Variants in TRIO observed in about 807,000 individuals in gnomAD.
TRIO encodes trio Rho guanine nucleotide exchange factor.
Under a neutral mutation model 351.9 loss-of-function variants are expected in TRIO, and 58 were observed. The observed-to-expected ratio is 0.16, with a 90% CI of 0.13 to 0.21. The LOEUF (loss-of-function observed/expected upper bound fraction) is 0.21, where lower values mean the gene tolerates loss of function less well. Among genes scored for constraint, TRIO ranks in the 10% least tolerant of loss-of-function variants. The pLI is 1.00. For synonymous variants in TRIO, 1,758 were observed against 1,595.7 expected, an observed-to-expected ratio of 1.10 and a Z score of -2.42; for missense variants, 3,201 against 4,027.8, an observed-to-expected ratio of 0.79 and a Z score of 5.56.
intron 33 of TRIO, among the ~76,000 whole-genome samples, chr5:14,419,278 T>G (rs943476559): frequency 3.3e-5 from 5 of 152,086 alleles, no homozygotes; most frequent in African/African-American, 1.2e-4. Context: ...TGAAGGATTC[T>G]GAAGAGAGGC....
Position 14,143,696 on chromosome 5 carries a change from G to A in TRIO, c.-30G>A. ...CGGCGCTAGGGGCGCGGGGCCCGAG[G>A]CGGGCGCGGCCGCGGGCGCCGCCGC... On this transcript the variant is annotated 5_prime_UTR_variant, in exon 1 of 57. Transcript: ENST00000344204. 2.1e-6 allele frequency: 2 copies of A among 972,636 alleles called. No individual in the cohort carries two copies. The highest frequency in any genetic ancestry group is 2.4e-6 in the Non-Finnish European group (2 of 822,216). The allele number at this position is 972,636 out of a possible 1,614,324, so 60.3% of individuals were successfully genotyped here.
intron 20 of TRIO, among the ~76,000 whole-genome samples, 182 bp downstream of exon 20, chr5:14,378,309 T>C (rs1187099200): frequency 1.3e-5 from 2 of 152,240 alleles, no homozygotes; most frequent in African/African-American, 4.8e-5. Context: ...AGCATGTCAC[T>C]CAGTGATTTT....
At chr5:14,244,206 G>T (rs1043668681) in intron 1 of TRIO, among the ~76,000 whole-genome samples, 1 of 152,208 alleles carries the variant, frequency 6.6e-6, no homozygotes, top group African/African-American at 2.4e-5. Context: ...TTTTCACAAA[G>T]ATATTTACAA....
At chr5:14,363,604 A>C (rs1036683207) in intron 13 of TRIO, 128 bp from the exon 14 acceptor site, 45 of 748,646 alleles carry the variant, frequency 6.0e-5, no homozygotes, top group Non-Finnish European at 8.8e-5. Flanking sequence ...CACCAAACTC[A>C]TGCATCTTAA....
At chr5:14,411,420 G>A (rs184091566) in intron 33 of TRIO, among the ~76,000 whole-genome samples, 46 of 152,320 alleles carry the variant, frequency 3.0e-4, no homozygotes, top group Non-Finnish European at 5.1e-4. Context: ...GGTATCCTGT[G>A]GAAAAGCCGG....
At chr5:14,220,025 T>G (rs1255511000) in intron 1 of TRIO, among the ~76,000 whole-genome samples, 4 of 151,268 alleles carry the variant, frequency 2.6e-5, no homozygotes, top group Non-Finnish European at 5.9e-5. Context: ...TGCGGGGTTT[T>G]TTTTTCTTCT....
intron 18 of TRIO, among the ~76,000 whole-genome samples, chr5:14,369,947 A>G (rs1744932670): frequency 6.6e-6 from 1 of 152,160 alleles, no homozygotes. Context: ...CACGGCATGG[A>G]GTAGACACAG....
chr5:14,182,587 A>G (rs1461140974), intron 1 of TRIO, among the ~76,000 whole-genome samples: 1 of 152,240 alleles, frequency 6.6e-6, no homozygotes, highest in Non-Finnish European at 1.5e-5. Flanking sequence ...AGTGTTAAAA[A>G]TTAGTGAGAA....
chr5:14,194,679 G>A (rs1390394961), intron 1 of TRIO, among the ~76,000 whole-genome samples: 1 of 152,196 alleles, frequency 6.6e-6, no homozygotes, highest in East Asian at 1.9e-4. Context: ...CTGCTTTGTG[G>A]TATGTTTAAT....
chr5:14,158,976 T>TAACATTATACC (rs1788269793), intron 1 of TRIO, among the ~76,000 whole-genome samples: 1 of 152,236 alleles, frequency 6.6e-6, no homozygotes, highest in African/African-American at 2.4e-5. Context: ...TAGGCAGTGA[T>TAACATTATACC]AACATTATAC....
chr5:14,144,010 C>T (rs1285998512), intron 1 of TRIO, 128 bp downstream of exon 1: 32 of 680,420 alleles, frequency 4.7e-5, no homozygotes, highest in Non-Finnish European at 5.5e-5. Flanking sequence ...GGCCCGCAGG[C>T]TCTCGCCTGG....
chr5:14,385,251 C>T (rs1314186915), intron 21 of TRIO, among the ~76,000 whole-genome samples: 1 of 152,232 alleles, frequency 6.6e-6, no homozygotes, highest in Non-Finnish European at 1.5e-5. Flanking sequence ...TGTGTTACGG[C>T]AGCAGCACTC....
chr5:14,265,377 A>C (rs888932561), intron 1 of TRIO, among the ~76,000 whole-genome samples: 1 of 38,172 alleles, frequency 2.6e-5, no homozygotes. Context: ...TCAGATTACT[A>C]GTATCTGCCA....
chr5:14,361,274 C>T (rs933447840), intron 13 of TRIO, among the ~76,000 whole-genome samples: 4 of 152,020 alleles, frequency 2.6e-5, no homozygotes, highest in African/African-American at 9.7e-5. Flanking sequence ...AAAGTACTTC[C>T]GCTTTCATTG....
intron 13 of TRIO, among the ~76,000 whole-genome samples, chr5:14,359,737 C>A (rs1022469466): frequency 6.6e-6 from 1 of 152,180 alleles, no homozygotes; most frequent in South Asian, 2.1e-4. Context: ...TATGCTCAGC[C>A]CTGGACCCTA....
chr5:14,458,474 G>A (rs1265844709), intron 34 of TRIO, among the ~76,000 whole-genome samples: 3 of 152,176 alleles, frequency 2.0e-5, no homozygotes, highest in African/African-American at 7.2e-5. Flanking sequence ...TCCTCCTCCT[G>A]TTGCCCCTTC....
At position 14,380,116 on chromosome 5, in the gene TRIO, C is replaced by T. The variant is rs181939349; in HGVS notation, c.3448-1014C>T. Among the ~76,000 whole-genome samples, 49 of 152,346 alleles carry T rather than the reference C, an allele frequency of 3.2e-4. No homozygotes were observed. In the East Asian group the frequency reaches 6.2e-3, roughly 19 times the overall value. Reference sequence around the variant, plus strand: ...GGCCTCCATTTCTGGTCTCCGGATTCACAAATCCCAGTTACATCCTTGACA... The same window carrying T: ...GGCCTCCATTTCTGGTCTCCGGATTTACAAATCCCAGTTACATCCTTGACA... On this transcript the variant is annotated intron_variant, in intron 20 of 56. Coordinates refer to ENST00000344204, the MANE Select transcript of TRIO (RefSeq NM_007118.4).
intron 2 of TRIO, among the ~76,000 whole-genome samples, chr5:14,279,964 C>A (rs73057583): frequency 0.077 from 11,737 of 152,194 alleles, 1,539 homozygotes; most frequent in African/African-American, 0.27. Context: ...GGAGACTGGC[C>A]TAGAGAGCAG....
intron 1 of TRIO, among the ~76,000 whole-genome samples, chr5:14,263,869 A>G (rs1302436406): frequency 6.6e-6 from 1 of 152,168 alleles, no homozygotes; most frequent in East Asian, 1.9e-4. Flanking sequence ...AGGTAGACGA[A>G]TGTGTTCTTT....
Sources: gnomAD v4.1 joint callset for allele counts (sites outside exome capture counted in the v4.1 genomes callset) on GRCh38, gnomAD v4.1.1 for gene constraint, MANE v1.5 for transcripts, NCBI Gene and HGNC (gene_info 2026-07-23, HGNC 2026-07-21) for gene names.